Variants in RARB observed in about 807,000 individuals in gnomAD.
The protein encoded by RARB is HBV-activated protein.
Under a neutral mutation model 51.9 loss-of-function variants are expected in RARB, and 17 were observed. The ratio of observed to expected loss-of-function variants is 0.33; its 90% CI spans 0.22 to 0.49. The LOEUF (loss-of-function observed/expected upper bound fraction) is 0.49, where lower values mean the gene tolerates loss of function less well. RARB is among the 20% of genes least tolerant of loss of function. The pLI, the probability that RARB is intolerant of heterozygous loss-of-function variation, is 0.99. For missense variants in RARB, 369 were observed against 550.8 expected (o/e 0.67, Z 3.30); for synonymous variants, 215 against 195.4 (o/e 1.10, Z -0.84).
At chr3:25,231,578 A>G (rs530874385) in intron 5 of RARB, among the ~76,000 whole-genome samples, 1 of 152,312 alleles carries the variant, frequency 6.6e-6, no homozygotes, top group South Asian at 2.1e-4. Context: ...GTTGATCTAT[A>G]TCTTACCAAC....
chr3:25,355,532 C>G (rs1279694457), intron 5 of RARB, among the ~76,000 whole-genome samples: 1 of 152,074 alleles, frequency 6.6e-6, no homozygotes, highest in South Asian at 2.1e-4. Flanking sequence ...TGTCACTTCT[C>G]CAGCTTTGTT....
intron 2 of RARB, among the ~76,000 whole-genome samples, chr3:24,909,259 C>CCATT (rs1042199391): frequency 6.6e-6 from 1 of 152,192 alleles, no homozygotes; most frequent in African/African-American, 2.4e-5. Context: ...GGGCACTTAT[C>CCATT]CATTCATTCA....
chr3:24,865,256 T>G (rs1391016698), intron 2 of RARB, among the ~76,000 whole-genome samples: 1 of 152,100 alleles, frequency 6.6e-6, no homozygotes, highest in Non-Finnish European at 1.5e-5. Flanking sequence ...GAAATTTACG[T>G]GCACTCAAGT....
rs114591921 is a variant in RARB, at chr3:25,325,312, A to G, written c.179-135881A>G. 9.9e-3 allele frequency among the ~76,000 whole-genome samples: 1,499 copies of G among 152,126 alleles called. 27 individuals are homozygous for G. Among genetic ancestry groups the G allele is most frequent in the African/African-American group, 0.035 (1,433 of 41,496 alleles). ...GTGACGACAACCAGAGGTCATTTTC[A>G]TGGCCATCTTGGTTTTGGTGGGTTT... On this transcript the variant is annotated intron_variant, in intron 5 of 11. Coordinates refer to the RARB transcript ENST00000383772.
intron 3 of RARB, among the ~76,000 whole-genome samples, chr3:25,067,222 G>T (rs1040290435): frequency 6.6e-6 from 1 of 152,186 alleles, no homozygotes; most frequent in African/African-American, 2.4e-5. Flanking sequence ...GAAACCAGAG[G>T]TTGGATGATA....
At chr3:25,303,009 T>C (rs1704076515) in intron 5 of RARB, among the ~76,000 whole-genome samples, 1 of 152,194 alleles carries the variant, frequency 6.6e-6, no homozygotes, top group African/African-American at 2.4e-5. Flanking sequence ...TAGACAATAA[T>C]CTGAATGACA....
At chr3:25,351,992 G>A (rs916897766) in intron 5 of RARB, among the ~76,000 whole-genome samples, 4 of 152,154 alleles carry the variant, frequency 2.6e-5, no homozygotes, top group Non-Finnish European at 5.9e-5. Context: ...GTTTTAAGTC[G>A]AAATAAGAAA....
At chr3:25,310,527 A>T (rs1400984907) in intron 5 of RARB, among the ~76,000 whole-genome samples, 1 of 152,200 alleles carries the variant, frequency 6.6e-6, no homozygotes, top group African/African-American at 2.4e-5. Context: ...ACCTCTCTAG[A>T]TACCATGTAG....
At chr3:24,918,996 C>T (rs1270454582) in intron 2 of RARB, among the ~76,000 whole-genome samples, 1 of 152,184 alleles carries the variant, frequency 6.6e-6, no homozygotes, top group African/African-American at 2.4e-5. Context: ...TGATTTCCTT[C>T]ATCCTTACTG....
chr3:25,131,554 C>T (rs1296544676), intron 3 of RARB, among the ~76,000 whole-genome samples: 1 of 151,924 alleles, frequency 6.6e-6, no homozygotes. Context: ...TTAAACCTGT[C>T]TGGCATGCTA....
intron 1 of RARB, among the ~76,000 whole-genome samples, chr3:25,445,072 C>T (rs148353149): frequency 3.9e-4 from 60 of 152,190 alleles, no homozygotes; most frequent in African/African-American, 1.4e-3. Flanking sequence ...GTCTCAGCCT[C>T]CTGAGTAGCT....
intron 5 of RARB, among the ~76,000 whole-genome samples, chr3:25,406,813 C>G (rs1037951393): frequency 1.2e-4 from 18 of 152,166 alleles, no homozygotes; most frequent in African/African-American, 4.1e-4. Context: ...TACCATCACA[C>G]CAGGAGCTTG....
At chr3:25,188,506 C>G (rs544992191) in intron 5 of RARB, among the ~76,000 whole-genome samples, 1 of 152,212 alleles carries the variant, frequency 6.6e-6, no homozygotes, top group African/African-American at 2.4e-5. Context: ...GAAGTGTTAA[C>G]TTCTAAGCTA....
intron 2 of RARB, among the ~76,000 whole-genome samples, chr3:24,971,001 G>A (rs372925611): frequency 9.9e-5 from 15 of 151,984 alleles, no homozygotes; most frequent in Non-Finnish European, 1.3e-4. Context: ...TCATCTTGGT[G>A]CTCCCAGTAT....
At chr3:25,046,166 G>A (rs1698209365) in intron 2 of RARB, among the ~76,000 whole-genome samples, 1 of 152,148 alleles carries the variant, frequency 6.6e-6, no homozygotes, top group Admixed American at 6.5e-5. Flanking sequence ...AGAAAGGCAT[G>A]GAGAAAAAAA....
At chr3:25,488,039 G>T (rs1364824604) in intron 2 of RARB, among the ~76,000 whole-genome samples, 1 of 152,200 alleles carries the variant, frequency 6.6e-6, no homozygotes, top group Non-Finnish European at 1.5e-5. Flanking sequence ...TTATTCAGCT[G>T]CTATAACTAC....
At chr3:25,011,270 G>T (rs1354699628) in intron 2 of RARB, among the ~76,000 whole-genome samples, 4 of 152,128 alleles carry the variant, frequency 2.6e-5, no homozygotes, top group African/African-American at 7.2e-5. Flanking sequence ...TTACAAAGCA[G>T]ATCGGGGGAA....
At chr3:25,428,058 T>G (rs1167789999), upstream of RARB, among the ~76,000 whole-genome samples, 2 of 152,092 alleles carry the variant, frequency 1.3e-5, no homozygotes, top group East Asian at 3.9e-4. Flanking sequence ...AGGTGAGAAA[T>G]AGGAAAGAAA....
intron 5 of RARB, among the ~76,000 whole-genome samples, chr3:25,217,062 T>G (rs1292091236): frequency 1.3e-5 from 2 of 152,152 alleles, no homozygotes; most frequent in Non-Finnish European, 2.9e-5. Context: ...CTAATTGTCT[T>G]TCTTGGAAGC....
Sources: gnomAD v4.1 joint callset for allele counts (sites outside exome capture counted in the v4.1 genomes callset) on GRCh38, gnomAD v4.1.1 for gene constraint, MANE v1.5 for transcripts, NCBI Gene and HGNC (gene_info 2026-07-23, HGNC 2026-07-21) for gene names.